Variants in ACSS3 observed in about 807,000 individuals in gnomAD.
The protein encoded by ACSS3 is acyl-CoA synthetase short-chain family member 3, mitochondrial.
Under a neutral mutation model 84.2 loss-of-function variants are expected in ACSS3, and 64 were observed. The observed-to-expected ratio is 0.76, with a 90% CI of 0.62 to 0.94. The LOEUF (loss-of-function observed/expected upper bound fraction) is 0.94. Among genes scored for constraint, ACSS3 ranks in the 40% least tolerant of loss-of-function variants. The probability of loss-of-function intolerance (pLI) is 0.00; values close to 1 mark genes in which losing one functional copy is unlikely to be tolerated. For missense variants in ACSS3, 815 were observed against 867.6 expected, an observed-to-expected ratio of 0.94 and a Z score of 0.76; for synonymous variants, 317 against 310.1, an observed-to-expected ratio of 1.02 and a Z score of -0.23.
At chr12:81,138,859 G>A (rs1885941558) in intron 3 of ACSS3, among the ~76,000 whole-genome samples, 1 of 152,048 alleles carries the variant, frequency 6.6e-6, no homozygotes, top group Non-Finnish European at 1.5e-5. Context: ...CTGGCTTAAT[G>A]GATTATTTGA....
chr12:81,200,231 C>T (rs2032038191), intron 9 of ACSS3, among the ~76,000 whole-genome samples: 1 of 152,100 alleles, frequency 6.6e-6, no homozygotes, highest in Non-Finnish European at 1.5e-5. Flanking sequence ...CATTTACCTC[C>T]TCACAAAGTA....
intron 8 of ACSS3, among the ~76,000 whole-genome samples, chr12:81,196,789 G>A (rs774825989): frequency 1.5e-4 from 23 of 152,150 alleles, no homozygotes; most frequent in Non-Finnish European, 2.9e-4. Flanking sequence ...AGGGAGGAGA[G>A]GAGGTGCCTG....
chr12:81,110,038 C>A (rs762170962), intron 2 of ACSS3, among the ~76,000 whole-genome samples: 2 of 152,222 alleles, frequency 1.3e-5, no homozygotes, highest in African/African-American at 2.4e-5. Context: ...ACTATTGAAA[C>A]AGTCTTCTAA....
intron 8 of ACSS3, among the ~76,000 whole-genome samples, chr12:81,179,552 G>T (rs1005105100): frequency 6.6e-6 from 1 of 151,988 alleles, no homozygotes; most frequent in Non-Finnish European, 1.5e-5. Context: ...GGAGGCCGAG[G>T]TGGGCAGATC....
intron 9 of ACSS3, among the ~76,000 whole-genome samples, chr12:81,210,157 C>A (rs1217915101): frequency 6.6e-6 from 1 of 152,156 alleles, no homozygotes; most frequent in Non-Finnish European, 1.5e-5. Flanking sequence ...GATGGAGTTG[C>A]TCTGGTTTGA....
chr12:81,093,862 G>A (rs1344671372), intron 1 of ACSS3, among the ~76,000 whole-genome samples: 1 of 152,048 alleles, frequency 6.6e-6, no homozygotes, highest in Non-Finnish European at 1.5e-5. Flanking sequence ...ATCTATGTCT[G>A]TCAATCTGTT....
chr12:81,217,413 A>G (rs2032960743), intron 10 of ACSS3, among the ~76,000 whole-genome samples: 1 of 152,192 alleles, frequency 6.6e-6, no homozygotes, highest in Admixed American at 6.5e-5. Flanking sequence ...TGCTGGTTAG[A>G]TCCTGGGGAC....
chr12:81,179,744 A>G (rs1593166866), intron 8 of ACSS3, among the ~76,000 whole-genome samples: 1 of 139,556 alleles, frequency 7.2e-6, no homozygotes, highest in African/African-American at 2.7e-5. Context: ...GCACTCCAGC[A>G]CTCCAGCCTG....
At chr12:81,204,453 A>C (rs909990456) in intron 9 of ACSS3, among the ~76,000 whole-genome samples, 1 of 142,484 alleles carries the variant, frequency 7.0e-6, no homozygotes, top group Non-Finnish European at 1.5e-5. Flanking sequence ...TCTTTCCTTC[A>C]TTCATTCCTA....
intron 1 of ACSS3, among the ~76,000 whole-genome samples, chr12:81,101,980 T>G (rs539118214): frequency 6.6e-6 from 1 of 152,142 alleles, no homozygotes; most frequent in South Asian, 2.1e-4. Context: ...TTTCCCTTGT[T>G]AAATATGTTG....
intron 7 of ACSS3, among the ~76,000 whole-genome samples, chr12:81,165,174 T>A (rs1219500327): frequency 6.6e-6 from 1 of 152,232 alleles, no homozygotes; most frequent in African/African-American, 2.4e-5. Flanking sequence ...TTTATGTATG[T>A]CTATGTTTTA....
rs370538361 is a variant in ACSS3 at position 81,115,629 on chromosome 12, A to G, written c.456+5925A>G. Among the ~76,000 whole-genome samples the G allele has an allele frequency of 4.5e-4, 69 of 152,176 alleles. No individual in the cohort carries two copies. In the East Asian group the frequency reaches 7.5e-3, roughly 17 times the overall value. Reference sequence around the variant, plus strand: ...TGCTGATGCTCTTTTCTGAAATACCATTAATATCTTTTGTCCATTAATTTT... The same window carrying G: ...TGCTGATGCTCTTTTCTGAAATACCGTTAATATCTTTTGTCCATTAATTTT... On this transcript the variant is annotated intron_variant, in intron 2 of 15. Transcript: ENST00000548058.
chr12:81,164,708 C>G (rs7967713), intron 7 of ACSS3, among the ~76,000 whole-genome samples: 69,829 of 151,998 alleles, frequency 0.46, 16,568 homozygotes, highest in Non-Finnish European at 0.52. Context: ...ATACTTAACT[C>G]CTCCCAGGCT....
chr12:81,093,178 A>T (rs1431378868), intron 1 of ACSS3, among the ~76,000 whole-genome samples: 1 of 152,150 alleles, frequency 6.6e-6, no homozygotes, highest in Non-Finnish European at 1.5e-5. Context: ...AGCCAGACGC[A>T]GTGGCTCACG....
At position 81,135,014 on chromosome 12, in the gene ACSS3, T is replaced by C; in HGVS notation, c.645+10T>C. On this transcript the variant is annotated intron_variant, in intron 3 of 15. Coordinates refer to ENST00000548058, the MANE Select transcript of ACSS3 (RefSeq NM_024560.4). ...CATTGATCATGTAAAGGTAAGTGCT[T>C]TATTTTGGGAAATCAAGTAGTAGCT... 6.4e-7 allele frequency: 1 copy of C among 1,563,788 alleles called. No individual in the cohort carries two copies. Among genetic ancestry groups the C allele is most frequent in the Non-Finnish European group, 8.7e-7 (1 of 1,150,436 alleles).
chr12:81,241,105 G>A (rs1465797831), intron 13 of ACSS3, among the ~76,000 whole-genome samples: 2 of 150,874 alleles, frequency 1.3e-5, no homozygotes, highest in South Asian at 2.1e-4. Context: ...TTGTTCTTGC[G>A]ATAGTTTACT....
chr12:81,178,430 A>G (rs1048071128), intron 8 of ACSS3, among the ~76,000 whole-genome samples: 3 of 150,768 alleles, frequency 2.0e-5, no homozygotes, highest in African/African-American at 7.3e-5. Flanking sequence ...TAACCTGCAT[A>G]TTGTGCACAT....
At chr12:81,196,143 G>A (rs887095640) in intron 8 of ACSS3, among the ~76,000 whole-genome samples, 1 of 152,110 alleles carries the variant, frequency 6.6e-6, no homozygotes, top group Non-Finnish European at 1.5e-5. Flanking sequence ...TTAGCATAAT[G>A]ATTTGAGCAG....
Position 81,216,893 on chromosome 12 carries a change from T to C in ACSS3, c.1355-8T>C. 6.2e-7 allele frequency: 1 copy of C among 1,604,170 alleles called. No homozygotes were observed. The highest frequency in any genetic ancestry group is 8.5e-7 in the Non-Finnish European group (1 of 1,171,904). Reference sequence around the variant, plus strand: ...ACATGAAGTGATAAATAACATTTCTTTTTCCAGAGACTGGATCTCCAATTA... The same window carrying C: ...ACATGAAGTGATAAATAACATTTCTCTTTCCAGAGACTGGATCTCCAATTA... On this transcript the variant is annotated splice_region_variant and splice_polypyrimidine_tract_variant and intron_variant, in intron 9 of 15. Transcript: ENST00000548058.
Sources: allele counts gnomAD v4.1 joint callset (sites outside exome capture counted in the v4.1 genomes callset), GRCh38; gene constraint gnomAD v4.1.1; transcripts MANE v1.5; gene names NCBI Gene and HGNC (gene_info 2026-07-23, HGNC 2026-07-21).